The following EI24 variants were observed in gnomAD, a reference collection of about 807,000 sequenced individuals.
EI24 encodes the protein etoposide-induced protein 2.4 homolog.
Under a neutral mutation model 48.6 loss-of-function variants are expected in EI24, and 21 were observed. The ratio of observed to expected loss-of-function variants is 0.43; its 90% CI spans 0.31 to 0.62. The LOEUF is 0.62. EI24 is among the 20% of genes least tolerant of loss of function. EI24 has a pLI of 0.10. For missense variants in EI24, 280 were observed against 410.5 expected (o/e 0.68, Z 2.75); for synonymous variants, 114 against 145.5 (o/e 0.78, Z 1.56).
At chr11:125,576,129 T>C in intron 3 of EI24, 126 bp from the exon 4 acceptor site, 1 of 902,958 alleles carries the variant, frequency 1.1e-6, no homozygotes. Context: ...ATTAGAACAT[T>C]GGGAGAACAT....
chr11:125,574,795 A>G (rs1938669767), intron 2 of EI24: 1 of 154,000 alleles, frequency 6.5e-6, no homozygotes, highest in Admixed American at 6.4e-5. Flanking sequence ...TGACACACAA[A>G]TTCATGAAAT....
At chr11:125,576,956 A>G (rs1938772611) in intron 4 of EI24, among the ~76,000 whole-genome samples, 1 of 152,126 alleles carries the variant, frequency 6.6e-6, no homozygotes, top group Non-Finnish European at 1.5e-5. Context: ...TACTACTTGA[A>G]ATGTTCCTGT....
chr11:125,569,676 G>A, intron 1 of EI24, 103 bp downstream of exon 1: 1 of 318,632 alleles, frequency 3.1e-6, no homozygotes, highest in Non-Finnish European at 5.7e-6. Flanking sequence ...GGGTTGGTGG[G>A]GCTACCGGCG....
chr11:125,571,102 G>A (rs1248755189), intron 1 of EI24, among the ~76,000 whole-genome samples: 3 of 152,216 alleles, frequency 2.0e-5, no homozygotes, highest in Non-Finnish European at 4.4e-5. Context: ...TGCTCTTCCA[G>A]TTCTGAATGG....
At position 125,576,399 on chromosome 11, in the gene EI24, C is replaced by G. The variant is rs189348208; in HGVS notation, c.249+84C>G. The G allele has an allele frequency of 1.1e-3, 1,325 of 1,226,090 alleles. 3 individuals carry two copies. The highest frequency in any genetic ancestry group is 1.1e-3 in the Non-Finnish European group (963 of 844,092). 76.0% of individuals were successfully genotyped at this position (1,226,090 alleles called of 1,614,324 possible). On this transcript the variant is annotated intron_variant, in intron 4 of 10. Coordinates refer to ENST00000278903, the MANE Select transcript of EI24 (RefSeq NM_004879.5). ...AGCTATGAACTGTTTTCTTGAAACA[C>G]TGAGACAAATAGTTTTCATCTGCTG... is the stretch of plus-strand genomic sequence containing the variant.
At chr11:125,580,310 T>A in intron 8 of EI24, 106 bp downstream of exon 8, 1 of 845,040 alleles carries the variant, frequency 1.2e-6, no homozygotes, top group Non-Finnish European at 2.0e-6. Flanking sequence ...CAAACAATCC[T>A]TTGAGGGAAG....
At chr11:125,580,814 C>T in intron 8 of EI24, 1 of 154,262 alleles carries the variant, frequency 6.5e-6, no homozygotes, top group South Asian at 2.1e-4. Flanking sequence ...TGGTGGCTCA[C>T]ACCTGTAATC....
At chr11:125,581,152 C>T in intron 8 of EI24, 59 bp from the exon 9 acceptor site, 3 of 985,022 alleles carry the variant, frequency 3.0e-6, no homozygotes, top group Non-Finnish European at 4.6e-6. Context: ...ACCATAGTTA[C>T]TTAGTCACTT....
At chr11:125,576,439 A>G (rs1938749434) in intron 4 of EI24, 124 bp downstream of exon 4, 1 of 891,038 alleles carries the variant, frequency 1.1e-6, no homozygotes, top group South Asian at 1.5e-5. Context: ...ACACTTAGAA[A>G]TATAACTCAG....
chr11:125,579,728 C>T (rs934796107), intron 7 of EI24, among the ~76,000 whole-genome samples: 6 of 152,104 alleles, frequency 3.9e-5, no homozygotes, highest in Non-Finnish European at 5.9e-5. Flanking sequence ...AGTACAGTGG[C>T]ACAATCATAC....
intron 2 of EI24, 110 bp from the exon 3 acceptor site, chr11:125,575,153 G>C (rs1938686689): frequency 6.2e-6 from 6 of 974,002 alleles, no homozygotes; most frequent in Non-Finnish European, 8.6e-6. Flanking sequence ...TTTGAACCCA[G>C]GAGTTGGAGG....
Position 125,577,514 on chromosome 11 carries a change from T to C in EI24, c.260T>C (p.Leu87Pro), listed in dbSNP as rs1199505779. ...GCTTCTTTTCTTTAGTTCAGTCTCC[T>C]CTTGTTTTATCGAGTATTTATTCCT... is the stretch of plus-strand genomic sequence containing the variant. ...WNGGVFWFSL[L>P]LFYRVFIPVL... The change falls in exon 5 of 11, where the codon CTC becomes CCC. Residue 87 changes from leucine (L) to proline (P), a missense_variant. Leu to Pro is a moderately conservative substitution (Grantham distance 98). Coordinates refer to ENST00000278903, the MANE Select transcript of EI24 (RefSeq NM_004879.5). The C allele has an allele frequency of 6.2e-7, 1 of 1,613,914 alleles. No homozygotes were observed. The highest frequency in any genetic ancestry group is 1.7e-5 in the Admixed American group (1 of 60,008).
rs759083673 is a variant in EI24 at position 125,575,413 on chromosome 11, G to A, written c.188+5G>A. ...TATAGAGCGGAAGCAAGAGAGGTAA[G>A]GAGTGCATGCCTGATATCAAAATGT... On this transcript the variant is annotated splice_donor_5th_base_variant and intron_variant, in intron 3 of 10. Transcript: ENST00000278903. The A allele has an allele frequency of 5.1e-6, 8 of 1,583,554 alleles. No individual in the cohort carries two copies. The highest frequency in any genetic ancestry group is 1.8e-5 in the Admixed American group (1 of 56,660).
At chr11:125,580,228 G>GA (rs751250293) in intron 8 of EI24, 24 bp downstream of exon 8, 6 of 1,530,202 alleles carry the variant, frequency 3.9e-6, no homozygotes, top group Non-Finnish European at 4.5e-6. Flanking sequence ...AAGAAATCCA[G>GA]AAAATGGAGG....
Position 125,584,259 on chromosome 11 carries a change from A to AAAAAAAC in EI24, c.*579_*580insAAACAAA, listed in dbSNP as rs1555055547. The AAAAAAAC allele has an allele frequency of 7.4e-6, 1 of 135,698 alleles. No homozygotes were observed. Among genetic ancestry groups the AAAAAAAC allele is most frequent in the Admixed American group, 7.5e-5 (1 of 13,342 alleles). 8.4% of individuals were successfully genotyped at this position (135,698 alleles called of 1,614,324 possible). ...AAAAAAAAAAAAAAAAAAAAAAAAA[A>AAAAAAAC]AAAGCCTGAAGAGATGAGATAGGAG... On this transcript the variant is annotated 3_prime_UTR_variant, in exon 11 of 11. Transcript: ENST00000278903.
Position 125,569,494 on chromosome 11 carries a change from C to A in EI24, c.-150C>A. The A allele has an allele frequency of 2.6e-6, 1 of 384,490 alleles. No individual in the cohort carries two copies. Among genetic ancestry groups the A allele is most frequent in the Non-Finnish European group, 4.6e-6 (1 of 216,932 alleles). 23.8% of individuals were successfully genotyped at this position (384,490 alleles called of 1,614,324 possible). On this transcript the variant is annotated 5_prime_UTR_variant, in exon 1 of 11. Transcript: ENST00000278903. Reference sequence around the variant, plus strand: ...GCATGCCCAGTGCGGGCGCAGCGGCCCCGGCCCTGGAAGCGCCCCGGCGGA... The same window carrying A: ...GCATGCCCAGTGCGGGCGCAGCGGCACCGGCCCTGGAAGCGCCCCGGCGGA...
At chr11:125,582,090 TG>T (rs1313382612) in intron 9 of EI24, among the ~76,000 whole-genome samples, 1 of 151,598 alleles carries the variant, frequency 6.6e-6, no homozygotes, top group Non-Finnish European at 1.5e-5. Flanking sequence ...CCCAGCTACT[TG>T]GGAGGCTGAG....
At chr11:125,577,622 T>C (rs942647581) in intron 5 of EI24, 52 bp downstream of exon 5, 2 of 1,438,884 alleles carry the variant, frequency 1.4e-6, no homozygotes, top group Non-Finnish European at 1.9e-6. Context: ...GGAGATGATG[T>C]TTCAGTCTCC....
At chr11:125,579,497 C>A (rs912752874) in intron 7 of EI24, among the ~76,000 whole-genome samples, 8 of 151,982 alleles carry the variant, frequency 5.3e-5, no homozygotes, top group Admixed American at 4.6e-4. Flanking sequence ...GAAACCCCAT[C>A]TCTACTAAAA....
Sources: gnomAD v4.1 joint callset for allele counts (sites outside exome capture counted in the v4.1 genomes callset) on GRCh38, gnomAD v4.1.1 for gene constraint, MANE v1.5 for transcripts, NCBI Gene and HGNC (gene_info 2026-07-23, HGNC 2026-07-21) for gene names.